LARGE1: variants seen among roughly 807,000 people sequenced by gnomAD.
LARGE1 encodes xylosyl- and glucuronyltransferase LARGE1.
Under a neutral mutation model 87.6 loss-of-function variants are expected in LARGE1, and 43 were observed. The ratio of observed to expected loss-of-function variants is 0.49; its 90% CI spans 0.38 to 0.63. The LOEUF is 0.63. LARGE1 is among the 30% of genes least tolerant of loss of function. The pLI, the probability that LARGE1 is intolerant of heterozygous loss-of-function variation, is 0.00. For synonymous variants in LARGE1, 434 were observed against 394.6 expected (o/e 1.10, Z -1.18); for missense variants, 802 against 1,000.2 (o/e 0.80, Z 2.67).
chr22:33,673,665 T>TCC (rs1412626961), intron 2 of LARGE1, among the ~76,000 whole-genome samples: 2 of 152,066 alleles, frequency 1.3e-5, no homozygotes, highest in African/African-American at 4.8e-5. Flanking sequence ...AAACACAAAC[T>TCC]CCAGACCCAT....
intron 9 of LARGE1, among the ~76,000 whole-genome samples, chr22:33,375,626 T>G (rs1204380955): frequency 6.6e-6 from 1 of 152,160 alleles, no homozygotes; most frequent in African/African-American, 2.4e-5. Context: ...AGCCTTAGAG[T>G]AGATGAATAA....
At chr22:33,432,578 T>TTCATTCAG (rs1159167637) in intron 6 of LARGE1, among the ~76,000 whole-genome samples, 21 of 139,828 alleles carry the variant, frequency 1.5e-4, no homozygotes, top group African/African-American at 5.5e-4. Context: ...CATTCATTCA[T>TTCATTCAG]TCATTCATTC....
At chr22:33,098,374 C>T in the LARGE1 span, among the ~76,000 whole-genome samples, 3 of 152,172 alleles carry the variant, frequency 2.0e-5, no homozygotes, top group African/African-American at 7.2e-5. Context: ...AATCCCAGCA[C>T]TTTGGGAGGC....
At chr22:33,904,118 A>T (rs547092871) in intron 1 of LARGE1, among the ~76,000 whole-genome samples, 66 of 152,264 alleles carry the variant, frequency 4.3e-4, no homozygotes, top group African/African-American at 1.5e-3. Context: ...CAATTCAAAT[A>T]GGACTGACTT....
chr22:33,676,580 A>C (rs988426302), intron 2 of LARGE1, among the ~76,000 whole-genome samples: 3 of 150,696 alleles, frequency 2.0e-5, no homozygotes, highest in Admixed American at 1.3e-4. Flanking sequence ...GAAAAGAAAA[A>C]CACCACCAAC....
At chr22:33,900,199 C>G (rs958651760) in intron 1 of LARGE1, among the ~76,000 whole-genome samples, 10 of 152,184 alleles carry the variant, frequency 6.6e-5, no homozygotes, top group Non-Finnish European at 1.5e-4. Flanking sequence ...GGGCAGCAGT[C>G]ACTGGCCTGC....
At chr22:33,294,646 T>A (rs1932983496) in intron 12 of LARGE1, among the ~76,000 whole-genome samples, 1 of 152,180 alleles carries the variant, frequency 6.6e-6, no homozygotes, top group Non-Finnish European at 1.5e-5. Flanking sequence ...TGGGTCTGCA[T>A]CTTCTTTGGG....
chr22:33,361,724 CAGAGTCCCTCCTCTTT>C lies in LARGE1; in HGVS notation c.1131+20179_1131+20194del, dbSNP rs142351828. On this transcript the variant is annotated intron_variant, in intron 9 of 14. Transcript: ENST00000397394. ...TCTGCATCACACTCCCCAACTGGCT[CAGAGTCCCTCCTCTTT>C]AGAGTCCCTCCTCTTTAGAGTCCCT... 1.4e-4 allele frequency among the ~76,000 whole-genome samples: 20 copies of C among 138,316 alleles called. 2 individuals carry two copies. The highest frequency in any genetic ancestry group is 5.3e-4 in the South Asian group (2 of 3,806). The allele number at this position is 138,316 out of a possible 152,430, so 90.7% of individuals were successfully genotyped here.
At chr22:33,602,479 T>G (rs1411820839) in intron 5 of LARGE1, among the ~76,000 whole-genome samples, 1 of 152,046 alleles carries the variant, frequency 6.6e-6, no homozygotes, top group Non-Finnish European at 1.5e-5. Flanking sequence ...TGGGCTCAAG[T>G]GATCTTCCTT....
chr22:33,697,026 A>G (rs878933096), intron 2 of LARGE1, among the ~76,000 whole-genome samples: 1 of 152,040 alleles, frequency 6.6e-6, no homozygotes, highest in African/African-American at 2.4e-5. Context: ...ACTCCTTTAC[A>G]TCTTGGACTC....
At chr22:33,102,474 C>A in the LARGE1 span, among the ~76,000 whole-genome samples, 1 of 150,948 alleles carries the variant, frequency 6.6e-6, no homozygotes, top group Admixed American at 6.6e-5. Flanking sequence ...CCTGGGCCCC[C>A]CTTCCTTCCT....
Position 33,223,825 on chromosome 22 carries a change from G to A in LARGE1, c.1731-56993C>T, listed in dbSNP as rs961359495. Among the ~76,000 whole-genome samples, 9 of 152,214 alleles carry A rather than the reference G, an allele frequency of 5.9e-5. 1 individual carries two copies. The highest frequency in any genetic ancestry group is 7.2e-5 in the African/African-American group (3 of 41,530). On this transcript the variant is annotated intron_variant, in intron 11 of 11. Coordinates refer to the LARGE1 transcript ENST00000608642. ...TTTAGGTCTGGTACCAGACCCTTCCGCTTAGAGTCACAAAGCACCTGGCCC... is the reference window on the plus strand; with the variant it reads ...TTTAGGTCTGGTACCAGACCCTTCCACTTAGAGTCACAAAGCACCTGGCCC...
intron 6 of LARGE1, among the ~76,000 whole-genome samples, chr22:33,458,439 T>C (rs1199324031): frequency 6.6e-6 from 1 of 150,404 alleles, no homozygotes; most frequent in African/African-American, 2.5e-5. Context: ...TTTTATTTTT[T>C]TATTTTTTTA....
chr22:33,180,419 G>A (rs557267164), intron 11 of LARGE1, among the ~76,000 whole-genome samples: 30 of 152,332 alleles, frequency 2.0e-4, no homozygotes, highest in African/African-American at 7.2e-4. Flanking sequence ...AACGATAACA[G>A]GTGCTGATTA....
At chr22:33,654,425 T>G (rs1187731749) in intron 2 of LARGE1, among the ~76,000 whole-genome samples, 1 of 152,228 alleles carries the variant, frequency 6.6e-6, no homozygotes, top group Non-Finnish European at 1.5e-5. Flanking sequence ...TCTCCGTAGC[T>G]GTGTGGTCCA....
chr22:33,138,355 A>T, the LARGE1 span, among the ~76,000 whole-genome samples: 50 of 152,134 alleles, frequency 3.3e-4, 3 homozygotes, highest in Non-Finnish European at 2.9e-5. Flanking sequence ...TGTATGTAGG[A>T]AGTAACTAAC....
chr22:33,475,887 T>G (rs1256282642), intron 6 of LARGE1, among the ~76,000 whole-genome samples: 3 of 152,208 alleles, frequency 2.0e-5, no homozygotes, highest in African/African-American at 7.2e-5. Flanking sequence ...ATAGGTGTTA[T>G]TAGAGAATAT....
intron 1 of LARGE1, among the ~76,000 whole-genome samples, chr22:33,882,045 G>GTTTT (rs3216428): frequency 3.8e-5 from 5 of 130,868 alleles, no homozygotes; most frequent in African/African-American, 9.9e-5. Context: ...GTTTTTTTTT[G>GTTTT]TTTTTTTTTT....
chr22:33,408,696 T>C (rs2066191553), intron 7 of LARGE1, among the ~76,000 whole-genome samples: 1 of 128,656 alleles, frequency 7.8e-6, no homozygotes, highest in Non-Finnish European at 1.7e-5. Context: ...TAGACTTGTC[T>C]TTTTTTTTTT....
Sources: gnomAD v4.1 joint callset for allele counts (sites outside exome capture counted in the v4.1 genomes callset) on GRCh38, gnomAD v4.1.1 for gene constraint, MANE v1.5 for transcripts, NCBI Gene and HGNC (gene_info 2026-07-23, HGNC 2026-07-21) for gene names.